The following ELMO1 variants were observed in gnomAD, a reference collection of about 807,000 sequenced individuals.
ELMO1 encodes engulfment and cell motility protein 1.
Under a neutral mutation model 98.9 loss-of-function variants are expected in ELMO1, and 26 were observed. The ratio of observed to expected loss-of-function variants is 0.26; its 90% CI spans 0.19 to 0.36. The LOEUF (loss-of-function observed/expected upper bound fraction) is 0.36, where lower values mean the gene tolerates loss of function less well. Among genes scored for constraint, ELMO1 ranks in the 10% least tolerant of loss-of-function variants. The probability of loss-of-function intolerance (pLI) is 1.00; values close to 1 mark genes in which losing one functional copy is unlikely to be tolerated. For synonymous variants in ELMO1, 346 were observed against 346.0 expected (o/e 1.00, Z 0.00); for missense variants, 627 against 935.2 (o/e 0.67, Z 4.30).
intron 15 of ELMO1, among the ~76,000 whole-genome samples, chr7:37,021,025 T>C (rs1312986045): frequency 3.9e-5 from 6 of 152,248 alleles, no homozygotes; most frequent in African/African-American, 1.2e-4. Flanking sequence ...TTTATTCCTT[T>C]GTATAAAAAT....
intron 14 of ELMO1, among the ~76,000 whole-genome samples, chr7:37,114,508 C>T (rs1029498267): frequency 6.6e-6 from 1 of 151,990 alleles, no homozygotes; most frequent in African/African-American, 2.4e-5. Context: ...CACTGGGTTG[C>T]CTTATCAAGG....
chr7:37,095,745 C>T (rs1274499305), intron 15 of ELMO1, among the ~76,000 whole-genome samples: 2 of 152,172 alleles, frequency 1.3e-5, no homozygotes, highest in African/African-American at 4.8e-5. Flanking sequence ...TCCCATTAAT[C>T]ATTTCAGGCC....
intron 15 of ELMO1, among the ~76,000 whole-genome samples, chr7:37,071,616 T>TA (rs1358385766): frequency 6.6e-6 from 1 of 152,134 alleles, no homozygotes; most frequent in East Asian, 1.9e-4. Context: ...TTAATTAAGC[T>TA]AAAAAATTTA....
At chr7:37,217,299 A>G (rs1793342933) in intron 10 of ELMO1, among the ~76,000 whole-genome samples, 1 of 152,176 alleles carries the variant, frequency 6.6e-6, no homozygotes, top group South Asian at 2.1e-4. Flanking sequence ...CCTGACTGGT[A>G]TGGAGGATTC....
intron 13 of ELMO1, among the ~76,000 whole-genome samples, chr7:37,173,827 T>C (rs2129864824): frequency 6.6e-6 from 1 of 152,326 alleles, no homozygotes; most frequent in East Asian, 1.9e-4. Context: ...AAACAGACAG[T>C]GTCTGCTCGG....
chr7:37,383,306 T>C (rs1294204804), intron 1 of ELMO1, among the ~76,000 whole-genome samples: 1 of 152,210 alleles, frequency 6.6e-6, no homozygotes, highest in African/African-American at 2.4e-5. Flanking sequence ...CGCTGACATT[T>C]TTTAAGAGTA....
chr7:37,277,157 G>A (rs1191146439), intron 4 of ELMO1, among the ~76,000 whole-genome samples: 1 of 152,240 alleles, frequency 6.6e-6, no homozygotes, highest in Non-Finnish European at 1.5e-5. Context: ...CAGATACAAA[G>A]TTAAACAGGA....
rs565257974 is a variant in ELMO1, at chr7:36,912,381, C to T, written c.1438-17364G>A. 4.0e-4 allele frequency among the ~76,000 whole-genome samples: 61 copies of T among 152,294 alleles called. 1 individual carries two copies. The highest frequency in any genetic ancestry group is 3.3e-3 in the Admixed American group (50 of 15,298). ...GAATGCCCATGCTTAGGATGGCACA[C>T]CTATGGAAAGACACCTTAGAAAGGC... is the stretch of plus-strand genomic sequence containing the variant. On this transcript the variant is annotated intron_variant, in intron 16 of 21. Coordinates refer to ENST00000310758, the MANE Select transcript of ELMO1 (RefSeq NM_014800.11).
chr7:37,240,228 A>G (rs1336213990), intron 7 of ELMO1, among the ~76,000 whole-genome samples: 1 of 151,908 alleles, frequency 6.6e-6, no homozygotes, highest in Non-Finnish European at 1.5e-5. Context: ...TTGTAGAGAT[A>G]GGTTTTTGCC....
At chr7:37,310,061 C>G (rs1442060578) in intron 4 of ELMO1, among the ~76,000 whole-genome samples, 1 of 152,188 alleles carries the variant, frequency 6.6e-6, no homozygotes, top group Admixed American at 6.5e-5. Flanking sequence ...GAACCCAGGG[C>G]ACTTAGGAAG....
At chr7:37,092,915 CTTT>C (rs79327023) in intron 15 of ELMO1, among the ~76,000 whole-genome samples, 15 of 137,006 alleles carry the variant, frequency 1.1e-4, no homozygotes, top group Admixed American at 1.5e-4. Flanking sequence ...CTTTCTTTTT[CTTT>C]TTTTTTTTTT....
intron 16 of ELMO1, among the ~76,000 whole-genome samples, chr7:37,005,759 T>C (rs185678872): frequency 6.6e-6 from 1 of 151,382 alleles, no homozygotes; most frequent in African/African-American, 2.4e-5. Flanking sequence ...AGGGAGCAGC[T>C]TGTCCACCTT....
At chr7:36,988,601 TAGTG>T (rs1791668190) in intron 16 of ELMO1, among the ~76,000 whole-genome samples, 1 of 152,110 alleles carries the variant, frequency 6.6e-6, no homozygotes, top group Non-Finnish European at 1.5e-5. Flanking sequence ...AATAATCACT[TAGTG>T]AGATCAGGAA....
At chr7:37,102,201 G>T (rs949583873) in intron 14 of ELMO1, among the ~76,000 whole-genome samples, 1 of 152,076 alleles carries the variant, frequency 6.6e-6, no homozygotes, top group African/African-American at 2.4e-5. Context: ...ATGGAGACTC[G>T]GGAGTCACTT....
intron 1 of ELMO1, among the ~76,000 whole-genome samples, 179 bp downstream of exon 1, chr7:37,448,496 C>T (rs1258423664): frequency 6.6e-6 from 1 of 152,008 alleles, no homozygotes; most frequent in South Asian, 2.1e-4. Context: ...CCCTGCCGAG[C>T]GCGGCGGCCA....
chr7:36,882,276 T>C (rs1804530499), intron 18 of ELMO1, among the ~76,000 whole-genome samples: 1 of 152,222 alleles, frequency 6.6e-6, no homozygotes, highest in Admixed American at 6.5e-5. Context: ...ACCTAAAATG[T>C]GCCAAGTCTT....
intron 4 of ELMO1, among the ~76,000 whole-genome samples, chr7:37,297,628 G>C (rs1292148047): frequency 6.7e-6 from 1 of 149,782 alleles, no homozygotes; most frequent in African/African-American, 2.5e-5. Context: ...AAAAGACAGA[G>C]AGAGGAAGAT....
In ELMO1 at chr7:37,408,812, A is replaced by G. The variant is rs1337917045; in HGVS notation, c.-74+39863T>C. On this transcript the variant is annotated intron_variant, in intron 1 of 21. Coordinates refer to ENST00000310758, the MANE Select transcript of ELMO1 (RefSeq NM_014800.11). ...GGGTATAGATTTCCAGTCACTCACA[A>G]TGAAAAAGCTCTAGAGATCTGCTGC... Among the ~76,000 whole-genome samples the G allele has an allele frequency of 3.3e-5, 5 of 152,336 alleles. No homozygotes were observed. The East Asian group carries it at 9.6e-4, about 29-fold the overall frequency.
chr7:37,292,968 C>G (rs1294962192), intron 4 of ELMO1, among the ~76,000 whole-genome samples: 5 of 45,768 alleles, frequency 1.1e-4, no homozygotes, highest in Admixed American at 3.1e-4. Context: ...AAGTGAGGGG[C>G]GCCTCTGCCC....
Sources: allele counts gnomAD v4.1 joint callset (sites outside exome capture counted in the v4.1 genomes callset), GRCh38; gene constraint gnomAD v4.1.1; transcripts MANE v1.5; gene names NCBI Gene and HGNC (gene_info 2026-07-23, HGNC 2026-07-21).